WDR64: variants seen among roughly 807,000 people sequenced by gnomAD.
The protein encoded by WDR64 is WD repeat-containing protein 64.
WDR64 carries 112 observed loss-of-function variants against 139.3 expected under a neutral mutation model. That is an observed-to-expected ratio of 0.80 (90% CI 0.69 to 0.94). The LOEUF is 0.94. Ranked by LOEUF, WDR64 falls within the 40% of genes least tolerant of loss-of-function variation. The pLI, the probability that WDR64 is intolerant of heterozygous loss-of-function variation, is 0.00. For missense variants in WDR64, 1,206 were observed against 1,293.1 expected, an observed-to-expected ratio of 0.93 and a Z score of 1.03; for synonymous variants, 444 against 437.7, an observed-to-expected ratio of 1.01 and a Z score of -0.18.
At chr1:241,745,774 C>T (rs574984574) in intron 13 of WDR64, among the ~76,000 whole-genome samples, 2 of 152,104 alleles carry the variant, frequency 1.3e-5, no homozygotes, top group South Asian at 4.2e-4. Context: ...TGACAGAGAT[C>T]CAGGACACCC....
intron 25 of WDR64, among the ~76,000 whole-genome samples, chr1:241,793,070 G>A (rs910651207): frequency 2.6e-5 from 4 of 152,072 alleles, no homozygotes; most frequent in Admixed American, 2.6e-4. Context: ...TGAGAGAAAC[G>A]CTCATCTACA....
chr1:241,693,613 C>T (rs975024499), intron 8 of WDR64, among the ~76,000 whole-genome samples: 4 of 152,082 alleles, frequency 2.6e-5, no homozygotes, highest in African/African-American at 7.2e-5. Context: ...ATTTTGATTT[C>T]GGGAGAGACT....
chr1:241,748,823 C>G (rs7554877), intron 13 of WDR64, among the ~76,000 whole-genome samples: 36,617 of 151,216 alleles, frequency 0.24, 6,554 homozygotes, highest in African/African-American at 0.51. Context: ...GCCTGCAGTC[C>G]CAGCTACTCT....
At chr1:241,666,285 T>C (rs1191609023) in intron 2 of WDR64, among the ~76,000 whole-genome samples, 1 of 152,224 alleles carries the variant, frequency 6.6e-6, no homozygotes, top group Non-Finnish European at 1.5e-5. Flanking sequence ...AACGGGTATT[T>C]GCTGCTCTTT....
chr1:241,709,886 G>A (rs1428172090), intron 8 of WDR64, among the ~76,000 whole-genome samples: 1 of 151,712 alleles, frequency 6.6e-6, no homozygotes, highest in African/African-American at 2.4e-5. Flanking sequence ...TGAGACAGGC[G>A]GGTTCCCCTC....
intron 18 of WDR64, among the ~76,000 whole-genome samples, 198 bp from the exon 19 acceptor site, chr1:241,771,463 G>C (rs1194350359): frequency 6.6e-6 from 1 of 152,024 alleles, no homozygotes; most frequent in South Asian, 2.1e-4. Flanking sequence ...ACTGCTAGAA[G>C]AATGTTGTGT....
chr1:241,788,809 AG>A (rs1435236549), intron 24 of WDR64, among the ~76,000 whole-genome samples: 2 of 152,200 alleles, frequency 1.3e-5, no homozygotes, highest in African/African-American at 4.8e-5. Context: ...TTGGCTGGCC[AG>A]TAAGGAGCAC....
At chr1:241,798,373 G>T (rs1659427518) in intron 27 of WDR64, among the ~76,000 whole-genome samples, 1 of 152,098 alleles carries the variant, frequency 6.6e-6, no homozygotes, top group African/African-American at 2.4e-5. Flanking sequence ...GTCAAAATTG[G>T]TTTCCAATAT....
At chr1:241,669,750 A>C (rs778363637) in intron 2 of WDR64, among the ~76,000 whole-genome samples, 2 of 152,224 alleles carry the variant, frequency 1.3e-5, no homozygotes, top group Non-Finnish European at 2.9e-5. Context: ...ATATAATGTT[A>C]AGCCATCATC....
intron 12 of WDR64, 73 bp downstream of exon 12, chr1:241,741,737 A>G: frequency 2.1e-6 from 3 of 1,422,024 alleles, no homozygotes; most frequent in Non-Finnish European, 2.8e-6. Context: ...AAAATAAATC[A>G]TTGAGTGATT....
intron 9 of WDR64, among the ~76,000 whole-genome samples, chr1:241,718,977 G>A (rs773646552): frequency 6.6e-6 from 1 of 152,100 alleles, no homozygotes; most frequent in Admixed American, 6.6e-5. Flanking sequence ...AAACACCATC[G>A]TGTTGGGGCT....
intron 3 of WDR64, 96 bp downstream of exon 3, chr1:241,671,272 T>A (rs1238664639): frequency 1.1e-6 from 1 of 901,210 alleles, no homozygotes; most frequent in African/African-American, 1.7e-5. Flanking sequence ...CTTTTCATTT[T>A]ATGTATTTGT....
intron 9 of WDR64, among the ~76,000 whole-genome samples, chr1:241,719,159 T>C (rs1196997108): frequency 6.6e-6 from 1 of 152,162 alleles, no homozygotes; most frequent in East Asian, 1.9e-4. Flanking sequence ...TAGATGAACA[T>C]TCAATGAAGA....
At chr1:241,781,219 A>G (rs1658833742) in intron 22 of WDR64, among the ~76,000 whole-genome samples, 1 of 152,244 alleles carries the variant, frequency 6.6e-6, no homozygotes, top group South Asian at 2.1e-4. Flanking sequence ...ACAAAGTTAT[A>G]GAATAATATT....
chr1:241,700,107 A>C (rs1433902367), intron 8 of WDR64, among the ~76,000 whole-genome samples: 1 of 150,704 alleles, frequency 6.6e-6, no homozygotes, highest in Non-Finnish European at 1.5e-5. Context: ...ATTCTTGCAC[A>C]ACTTACAAGA....
rs544401027 is a variant in WDR64, at chr1:241,674,256, C to CTTTTTTTTTTTTTTTTTTT, written c.380-384_380-383insTTTTTTTTTTTTTTTTTTT. 8.2e-5 allele frequency among the ~76,000 whole-genome samples: 10 copies of CTTTTTTTTTTTTTTTTTTT among 121,346 alleles called. 1 individual carries two copies. The highest frequency in any genetic ancestry group is 8.5e-5 in the Non-Finnish European group (5 of 58,916). 79.6% of individuals were successfully genotyped at this position (121,346 alleles called of 152,430 possible). A position where few individuals can be genotyped will look rare whatever the true frequency, so the allele number is the denominator to read the frequency against. On this transcript the variant is annotated intron_variant, in intron 3 of 27. Transcript: ENST00000437684. ...AAGCTGGCTGTTTATCTTTTTTTTT[C>CTTTTTTTTTTTTTTTTTTT]TTTTCTTTTTTTTTTTTTTTGAGAC...
intron 10 of WDR64, among the ~76,000 whole-genome samples, chr1:241,725,226 A>C (rs906522924): frequency 5.3e-5 from 8 of 152,178 alleles, no homozygotes; most frequent in African/African-American, 1.9e-4. Flanking sequence ...TTGTTCTAAT[A>C]AAATAGCTAG....
chr1:241,780,716 G>A (rs1658813566), intron 22 of WDR64, among the ~76,000 whole-genome samples: 1 of 152,060 alleles, frequency 6.6e-6, no homozygotes, highest in Non-Finnish European at 1.5e-5. Flanking sequence ...TTTGATTAGT[G>A]GAGTTTTCTT....
At chr1:241,792,924 G>C (rs1392588058) in intron 25 of WDR64, among the ~76,000 whole-genome samples, 1 of 152,204 alleles carries the variant, frequency 6.6e-6, no homozygotes, top group African/African-American at 2.4e-5. Flanking sequence ...AGACAGGTAC[G>C]AGAATGCTCA....
Sources: allele counts gnomAD v4.1 joint callset (sites outside exome capture counted in the v4.1 genomes callset), GRCh38; gene constraint gnomAD v4.1.1; transcripts MANE v1.5; gene names NCBI Gene and HGNC (gene_info 2026-07-23, HGNC 2026-07-21).